SLC38A8: variants seen among roughly 807,000 people sequenced by gnomAD.
SLC38A8 encodes the protein amino acid transporter SLC38A8.
A neutral mutation model predicts 46.0 loss-of-function variants in SLC38A8; 65 were observed. That is an observed-to-expected ratio of 1.41 (90% CI 1.16 to 1.74). The LOEUF is 1.74. SLC38A8 is among the 40% of genes most tolerant of loss of function. SLC38A8 has a pLI of 0.00. For missense variants in SLC38A8, 998 were observed against 567.9 expected (o/e 1.76, Z -7.70); for synonymous variants, 447 against 243.7 (o/e 1.83, Z -7.77).
chr16:84,010,456 G>A (rs1383554711), intron 10 of SLC38A8, among the ~76,000 whole-genome samples: 1 of 152,062 alleles, frequency 6.6e-6, no homozygotes, highest in African/African-American at 2.4e-5. Flanking sequence ...AAAAAGACAT[G>A]GGGGCCAGGC....
intron 3 of SLC38A8, among the ~76,000 whole-genome samples, chr16:84,034,067 G>C (rs1385908761): frequency 1.3e-5 from 2 of 152,210 alleles, no homozygotes; most frequent in East Asian, 3.9e-4. Context: ...GGGCTGGTCT[G>C]GAGGAACCCT....
rs2085380735 is a variant in SLC38A8, at chr16:84,042,647, G to C, written c.-99C>G. 1 of 154,686 alleles carries C rather than the reference G, an allele frequency of 6.5e-6. No homozygotes were observed. Among genetic ancestry groups the C allele is most frequent in the Non-Finnish European group, 1.4e-5 (1 of 69,614 alleles). The allele number at this position is 154,686 out of a possible 1,614,324, so 9.6% of individuals were successfully genotyped here. ...GGCTCAGTTGCATTTCTTGGGGCCAGAGGGGTGGGAGAAGCAAGATTCGAG... is the reference window on the plus strand; with the variant it reads ...GGCTCAGTTGCATTTCTTGGGGCCACAGGGGTGGGAGAAGCAAGATTCGAG... On this transcript the variant is annotated 5_prime_UTR_variant, in exon 1 of 11. Transcript: ENST00000299709.
intron 3 of SLC38A8, among the ~76,000 whole-genome samples, chr16:84,035,415 A>C (rs1156613931): frequency 1.3e-5 from 2 of 152,202 alleles, no homozygotes; most frequent in Non-Finnish European, 2.9e-5. Flanking sequence ...CACATGGCAA[A>C]ATGGTACACT....
intron 6 of SLC38A8, among the ~76,000 whole-genome samples, chr16:84,027,517 G>C (rs1337527928): frequency 6.6e-6 from 1 of 152,176 alleles, no homozygotes; most frequent in Non-Finnish European, 1.5e-5. Context: ...GTTTGGGCGG[G>C]GACGCTGTGT....
At chr16:84,011,106 G>C (rs1195285668) in intron 10 of SLC38A8, among the ~76,000 whole-genome samples, 1 of 152,248 alleles carries the variant, frequency 6.6e-6, no homozygotes, top group African/African-American at 2.4e-5. Context: ...TAACCGAGCA[G>C]CATCTCAGCA....
At chr16:84,029,893 G>C (rs35975058) in intron 5 of SLC38A8, among the ~76,000 whole-genome samples, 11 of 152,200 alleles carry the variant, frequency 7.2e-5, no homozygotes, top group Admixed American at 2.0e-4. Context: ...GGGGCACCCA[G>C]AGCATCCACC....
intron 4 of SLC38A8, among the ~76,000 whole-genome samples, chr16:84,032,211 C>T (rs567497495): frequency 2.0e-5 from 3 of 151,990 alleles, no homozygotes; most frequent in South Asian, 2.1e-4. Flanking sequence ...TTTTTTGAGA[C>T]GGAGTCTCGC....
intron 3 of SLC38A8, 40 bp from the exon 4 acceptor site, chr16:84,033,509 A>C: frequency 6.5e-7 from 1 of 1,539,938 alleles, no homozygotes. Flanking sequence ...CAGAGTACAA[A>C]TGCCGTGGGT....
chr16:84,032,768 G>T (rs1010129310), intron 4 of SLC38A8, among the ~76,000 whole-genome samples: 6 of 152,226 alleles, frequency 3.9e-5, no homozygotes, highest in Admixed American at 3.3e-4. Flanking sequence ...AGCAGAGGGA[G>T]ATGGATACTG....
intron 6 of SLC38A8, among the ~76,000 whole-genome samples, chr16:84,026,197 CCT>C (rs1475379831): frequency 6.6e-6 from 1 of 152,116 alleles, no homozygotes; most frequent in African/African-American, 2.4e-5. Context: ...TCCTTTTCTC[CCT>C]GTTTGACTCC....
intron 5 of SLC38A8, among the ~76,000 whole-genome samples, chr16:84,030,297 C>G (rs1266746747): frequency 1.3e-5 from 2 of 152,156 alleles, no homozygotes; most frequent in Non-Finnish European, 2.9e-5. Context: ...TCACTTGTCA[C>G]AACAGCCCTC....
chr16:84,022,117 A>G (rs1028955282), intron 7 of SLC38A8, among the ~76,000 whole-genome samples: 31 of 152,220 alleles, frequency 2.0e-4, no homozygotes, highest in African/African-American at 6.8e-4. Context: ...AGTTTTTAAG[A>G]GGATAAATAT....
chr16:84,016,381 G>C (rs531370030), intron 9 of SLC38A8, 138 bp downstream of exon 9: 13 of 909,552 alleles, frequency 1.4e-5, no homozygotes, highest in Admixed American at 2.9e-5. Flanking sequence ...TCAATAAAAA[G>C]GGCACCTACA....
At chr16:84,017,052 C>T in intron 8 of SLC38A8, 88 bp downstream of exon 8, 1 of 1,525,858 alleles carries the variant, frequency 6.6e-7, no homozygotes, top group East Asian at 2.3e-5. Context: ...AGTCCCACAG[C>T]CGCGTAGCCC....
intron 7 of SLC38A8, among the ~76,000 whole-genome samples, chr16:84,021,530 T>C (rs745996040): frequency 1.6e-4 from 25 of 152,356 alleles, no homozygotes; most frequent in African/African-American, 2.4e-4. Context: ...ACTATCCATA[T>C]TTCCATGACT....
At chr16:84,040,711 C>T (rs2085357575) in intron 2 of SLC38A8, among the ~76,000 whole-genome samples, 1 of 152,190 alleles carries the variant, frequency 6.6e-6, no homozygotes, top group Non-Finnish European at 1.5e-5. Flanking sequence ...CAGTGGGGCT[C>T]AGCGCAAAGG....
chr16:84,037,412 C>G (rs144212285), intron 2 of SLC38A8, among the ~76,000 whole-genome samples: 1 of 152,180 alleles, frequency 6.6e-6, no homozygotes, highest in Non-Finnish European at 1.5e-5. Context: ...TGCTATGACA[C>G]GTCAGGACTG....
In SLC38A8 at chr16:84,042,146, C is replaced by G; in HGVS notation, c.12G>C (p.Gln4His). 1 of 1,611,868 alleles carries G rather than the reference C, an allele frequency of 6.2e-7. No homozygotes were observed. The highest frequency in any genetic ancestry group is 8.5e-7 in the Non-Finnish European group (1 of 1,179,054). ...CTGGAAGGCCCCTGCTTCCTGGGGT[C>G]TGTCCCTCCATGGCTAGAGGCGGCA... MEG[Q>H]TPGSRGLPEK... Residue 4 changes from glutamine (Q) to histidine (H), a missense_variant, in exon 2 of 11, where the codon CAG (glutamine) becomes CAC (histidine). Gln to His is a conservative substitution (Grantham distance 24, BLOSUM62 0). Coordinates refer to ENST00000299709, the MANE Select transcript of SLC38A8 (RefSeq NM_001080442.3).
Position 84,033,338 on chromosome 16 carries a change from T to C in SLC38A8, c.520A>G (p.Lys174Glu), listed in dbSNP as rs140048448. 6.2e-7 allele frequency: 1 copy of C among 1,614,028 alleles called. No individual in the cohort carries two copies. The highest frequency in any genetic ancestry group is 8.5e-7 in the Non-Finnish European group (1 of 1,179,988). Residue 174 changes from lysine (K) to glutamate (E), a missense_variant, in exon 4 of 11, where the codon AAA (lysine) becomes GAA (glutamate). Transcript: ENST00000299709. ...CATCCCAGCCCTTACCTTGTGTATT[T>C]CTGGAAGGCGATCTCCCGCGGGGCA... ...LSAPREIAFQ[K>E]YTSILGTLAA...
Sources: gnomAD v4.1 joint callset for allele counts (sites outside exome capture counted in the v4.1 genomes callset) on GRCh38, gnomAD v4.1.1 for gene constraint, MANE v1.5 for transcripts, NCBI Gene and HGNC (gene_info 2026-07-23, HGNC 2026-07-21) for gene names.